The following CACNA2D1 variants were observed in gnomAD, a reference collection of about 807,000 sequenced individuals.
The protein encoded by CACNA2D1 is calcium voltage-gated channel auxiliary subunit alpha2delta 1, also known as voltage-dependent calcium channel subunit alpha-2/delta-1.
CACNA2D1 carries 53 observed loss-of-function variants against 171.5 expected under a neutral mutation model. The observed-to-expected ratio is 0.31, with a 90% CI of 0.25 to 0.39. The LOEUF is 0.39. Among genes scored for constraint, CACNA2D1 ranks in the 10% least tolerant of loss-of-function variants. The pLI is 1.00. For missense variants in CACNA2D1, 903 were observed against 1,299.8 expected, an observed-to-expected ratio of 0.69 and a Z score of 4.69; for synonymous variants, 442 against 443.1, an observed-to-expected ratio of 1.00 and a Z score of 0.03.
At chr7:82,425,591 G>C (rs1447229009) in intron 1 of CACNA2D1, among the ~76,000 whole-genome samples, 2 of 149,762 alleles carry the variant, frequency 1.3e-5, no homozygotes, top group South Asian at 2.1e-4. Flanking sequence ...GCCGAGGCTG[G>C]AGTGCGGCTG....
intron 3 of CACNA2D1, among the ~76,000 whole-genome samples, chr7:82,231,477 A>G (rs1175060399): frequency 6.6e-6 from 1 of 152,172 alleles, no homozygotes; most frequent in African/African-American, 2.4e-5. Flanking sequence ...ACATTTTCAA[A>G]GAGCTATTTA....
At chr7:82,242,162 T>A (rs1364525052) in intron 3 of CACNA2D1, among the ~76,000 whole-genome samples, 1 of 152,134 alleles carries the variant, frequency 6.6e-6, no homozygotes, top group African/African-American at 2.4e-5. Context: ...ATTATGTAAA[T>A]CTGAATATCA....
At chr7:82,170,376 C>T (rs1584988391) in intron 4 of CACNA2D1, among the ~76,000 whole-genome samples, 174 bp downstream of exon 4, 3 of 150,630 alleles carry the variant, frequency 2.0e-5, no homozygotes, top group South Asian at 4.2e-4. Context: ...TTTTGGCTAA[C>T]TTAATTGGCC....
chr7:82,008,805 C>G (rs147571830), intron 15 of CACNA2D1, among the ~76,000 whole-genome samples: 1,608 of 152,008 alleles, frequency 0.011, 26 homozygotes, highest in African/African-American at 0.034. Context: ...TATCAGGGAG[C>G]AAATGTTGTG....
At chr7:82,041,572 C>T (rs543026310) in intron 10 of CACNA2D1, among the ~76,000 whole-genome samples, 1 of 152,186 alleles carries the variant, frequency 6.6e-6, no homozygotes, top group East Asian at 1.9e-4. Flanking sequence ...TTATTTTGAA[C>T]AAGACTTTCA....
intron 1 of CACNA2D1, among the ~76,000 whole-genome samples, chr7:82,367,101 G>C (rs1050437848): frequency 2.6e-5 from 4 of 151,286 alleles, no homozygotes; most frequent in African/African-American, 9.7e-5. Flanking sequence ...GTAGTGACAG[G>C]GCCTCACCAT....
intron 1 of CACNA2D1, among the ~76,000 whole-genome samples, chr7:82,404,808 G>A (rs773981411): frequency 4.6e-5 from 7 of 152,154 alleles, no homozygotes; most frequent in East Asian, 3.9e-4. Context: ...TCAGTGAGTC[G>A]AGAGAGAGAA....
intron 1 of CACNA2D1, among the ~76,000 whole-genome samples, chr7:82,418,864 A>T (rs562792683): frequency 7.4e-4 from 113 of 152,256 alleles, no homozygotes; most frequent in African/African-American, 2.6e-3. Flanking sequence ...CACGCCTGTA[A>T]TCCCAGCACT....
chr7:82,091,743 T>C (rs769440754), intron 6 of CACNA2D1, among the ~76,000 whole-genome samples: 22 of 152,194 alleles, frequency 1.4e-4, no homozygotes, highest in Non-Finnish European at 2.5e-4. Context: ...TTTTATCCTT[T>C]AAGCATTCTA....
intron 3 of CACNA2D1, among the ~76,000 whole-genome samples, chr7:82,220,547 CTGAGA>C (rs1239670260): frequency 6.6e-6 from 1 of 151,982 alleles, no homozygotes; most frequent in Non-Finnish European, 1.5e-5. Flanking sequence ...AGAAATTAAA[CTGAGA>C]AATTTTGAAT....
intron 3 of CACNA2D1, among the ~76,000 whole-genome samples, chr7:82,180,708 A>C (rs1403929748): frequency 1.3e-5 from 2 of 152,142 alleles, no homozygotes; most frequent in African/African-American, 4.8e-5. Flanking sequence ...AGGTGAAACT[A>C]AAATGCATAA....
At chr7:82,160,720 T>C (rs1187557542) in intron 4 of CACNA2D1, among the ~76,000 whole-genome samples, 1 of 152,024 alleles carries the variant, frequency 6.6e-6, no homozygotes, top group Non-Finnish European at 1.5e-5. Context: ...GTGATCCTCA[T>C]GCCTTGGCCT....
At chr7:82,394,036 T>C (rs1010147344) in intron 1 of CACNA2D1, among the ~76,000 whole-genome samples, 3 of 152,142 alleles carry the variant, frequency 2.0e-5, no homozygotes, top group African/African-American at 7.2e-5. Flanking sequence ...TTATTGAGAC[T>C]GTGCTGAGAA....
At chr7:82,390,709 A>G (rs3801676) in intron 1 of CACNA2D1, among the ~76,000 whole-genome samples, 1,767 of 152,224 alleles carry the variant, frequency 0.012, 62 homozygotes, top group East Asian at 0.071. Context: ...TTTTCCTTGC[A>G]GTGTTTACCA....
chr7:82,043,954 A>G (rs1471374177), intron 10 of CACNA2D1, among the ~76,000 whole-genome samples: 2 of 152,240 alleles, frequency 1.3e-5, no homozygotes, highest in African/African-American at 4.8e-5. Flanking sequence ...AATTAATGAC[A>G]AAAGACATTC....
chr7:82,409,258 C>T (rs570349284), intron 1 of CACNA2D1, among the ~76,000 whole-genome samples: 2 of 152,114 alleles, frequency 1.3e-5, no homozygotes, highest in South Asian at 2.1e-4. Flanking sequence ...AGTCTTGTGA[C>T]TTTTTTTCAA....
At chr7:82,094,075 A>G (rs548851019) in intron 6 of CACNA2D1, among the ~76,000 whole-genome samples, 1 of 152,298 alleles carries the variant, frequency 6.6e-6, no homozygotes, top group South Asian at 2.1e-4. Flanking sequence ...TGAGGCACAC[A>G]CAGCTTGGTA....
intron 3 of CACNA2D1, among the ~76,000 whole-genome samples, chr7:82,211,152 T>C (rs1180671304): frequency 6.6e-6 from 1 of 152,144 alleles, no homozygotes; most frequent in Non-Finnish European, 1.5e-5. Context: ...TAGAACACTC[T>C]CAATCAATTT....
intron 4 of CACNA2D1, among the ~76,000 whole-genome samples, chr7:82,165,637 CCTTTA>C (rs1795376146): frequency 6.6e-6 from 1 of 151,934 alleles, no homozygotes; most frequent in South Asian, 2.1e-4. Flanking sequence ...ACGCCTGACT[CCTTTA>C]CATTACATTG....
Sources: gnomAD v4.1 joint callset for allele counts (sites outside exome capture counted in the v4.1 genomes callset) on GRCh38, gnomAD v4.1.1 for gene constraint, MANE v1.5 for transcripts, NCBI Gene and HGNC (gene_info 2026-07-23, HGNC 2026-07-21) for gene names.